ZC3H14: variants seen among roughly 807,000 people sequenced by gnomAD.
ZC3H14 encodes the protein zinc finger CCCH-type containing 14, also known as zinc finger CCCH domain-containing protein 14.
In ZC3H14, 31 loss-of-function variants were observed where a neutral mutation model predicts 92.4. That is an observed-to-expected ratio of 0.34 (90% CI 0.25 to 0.45). The LOEUF (loss-of-function observed/expected upper bound fraction) is 0.45. ZC3H14 is among the 20% of genes least tolerant of loss of function. ZC3H14 has a pLI of 1.00. For synonymous variants in ZC3H14, 321 were observed against 300.9 expected (o/e 1.07, Z -0.69); for missense variants, 781 against 897.3 (o/e 0.87, Z 1.66).
At position 88,601,993 on chromosome 14, in the gene ZC3H14, C is replaced by G. The variant is rs370546299; in HGVS notation, c.1424C>G (p.Ser475Cys). Residue 475 changes from serine to cysteine, a missense_variant, in exon 11 of 17, where the codon TCT becomes TGT. By Grantham distance (112) the Ser-to-Cys change is moderately radical (BLOSUM62 -1). Transcript: ENST00000251038. ...RSFILKKPKLSEEVVVAPNQE... is the reference protein window; with the variant it reads ...RSFILKKPKLCEEVVVAPNQE... ...TTTATTCTGAAGAAGCCAAAGCTGT[C>G]TGAGGAAGTAGTAGTGGCACCAAAC... The G allele has an allele frequency of 1.2e-6, 2 of 1,614,040 alleles. No homozygotes were observed. The highest frequency in any genetic ancestry group is 1.7e-6 in the Non-Finnish European group (2 of 1,180,024).
chr14:88,589,884 C>G (rs1003120872), intron 9 of ZC3H14: 4 of 152,876 alleles, frequency 2.6e-5, no homozygotes, highest in African/African-American at 7.2e-5. Context: ...AATCCCAGCA[C>G]TTTGGGAGGC....
At position 88,627,186 on chromosome 14, in the gene ZC3H14, A is replaced by G. The variant is rs1257092740; in HGVS notation, c.*15435A>G. ...ATGGCCCCTGCTCTACTACCTAGCAATACATGATTTACAATTATTTGTGTA... is the reference window on the plus strand; with the variant it reads ...ATGGCCCCTGCTCTACTACCTAGCAGTACATGATTTACAATTATTTGTGTA... On this transcript the variant is annotated 3_prime_UTR_variant, in exon 17 of 17. Coordinates refer to ENST00000251038, the MANE Select transcript of ZC3H14 (RefSeq NM_024824.5). 5.5e-6 allele frequency: 4 copies of G among 725,294 alleles called. No individual in the cohort carries two copies. The Admixed American group carries it at 7.9e-5, about 14-fold the overall frequency. 44.9% of individuals were successfully genotyped at this position (725,294 alleles called of 1,614,324 possible).
chr14:88,571,166 G>A, intron 4 of ZC3H14, 42 bp downstream of exon 4: 1 of 1,506,898 alleles, frequency 6.6e-7, no homozygotes, highest in Non-Finnish European at 9.0e-7. Flanking sequence ...GCTTGCTATG[G>A]CATATGATTT....
In ZC3H14 at chr14:88,568,081, A is replaced by G; in HGVS notation, c.122A>G (p.Lys41Arg). ...PDYIMVMVAN[K>R]KSQDQMTEDL... Reference sequence around the variant, plus strand: ...TACATTATGGTGATGGTGGCCAACAAGAAAAGTCAGGACCAAATGACAGAG... The same window carrying G: ...TACATTATGGTGATGGTGGCCAACAGGAAAAGTCAGGACCAAATGACAGAG... The change falls in exon 3 of 17, where the codon AAG becomes AGG. Residue 41 changes from lysine (K) to arginine (R), a missense_variant. Transcript: ENST00000251038. 1 of 1,614,202 alleles carries G rather than the reference A, an allele frequency of 6.2e-7. No individual in the cohort carries two copies. The highest frequency in any genetic ancestry group is 8.5e-7 in the Non-Finnish European group (1 of 1,180,008).
chr14:88,590,982 C>T (rs1402007572), intron 9 of ZC3H14: 1 of 144,578 alleles, frequency 6.9e-6, no homozygotes. Context: ...AGATTGTTGA[C>T]ATCTCATCTG....
intron 2 of ZC3H14, among the ~76,000 whole-genome samples, chr14:88,567,447 C>G (rs1241128297): frequency 6.6e-6 from 1 of 150,626 alleles, no homozygotes; most frequent in East Asian, 1.9e-4. Context: ...TATCCTAGAC[C>G]TCACCCTTAT....
At chr14:88,567,034 C>T (rs2079740290) in intron 2 of ZC3H14, among the ~76,000 whole-genome samples, 1 of 151,386 alleles carries the variant, frequency 6.6e-6, no homozygotes, top group Non-Finnish European at 1.5e-5. Context: ...TTTTTTTGTT[C>T]TTTTAAATCC....
rs1316472992 is a variant in ZC3H14 at position 88,600,280 on chromosome 14, A to C, written c.1355-1644A>C. 2.0e-5 allele frequency among the ~76,000 whole-genome samples: 3 copies of C among 152,184 alleles called. No individual in the cohort carries two copies. In the East Asian group the frequency reaches 5.8e-4, roughly 29 times the overall value. Reference sequence around the variant, plus strand: ...GTCTTCTCTTCCTGTCAGGTGTGTGAGACCAGGACAGACAGCAGAGAATCT... The same window carrying C: ...GTCTTCTCTTCCTGTCAGGTGTGTGCGACCAGGACAGACAGCAGAGAATCT... On this transcript the variant is annotated intron_variant, in intron 10 of 16. Transcript: ENST00000251038.
At chr14:88,563,259 G>A in intron 1 of ZC3H14, 90 bp downstream of exon 1, 4 of 1,544,912 alleles carry the variant, frequency 2.6e-6, no homozygotes, top group Non-Finnish European at 3.5e-6. Flanking sequence ...CCGGGTGGAC[G>A]CCGCGGCCTG....
intron 9 of ZC3H14, among the ~76,000 whole-genome samples, chr14:88,582,673 ATGTT>A (rs541593170): frequency 2.0e-5 from 3 of 152,076 alleles, no homozygotes; most frequent in Non-Finnish European, 4.4e-5. Flanking sequence ...ATTAAGCTAT[ATGTT>A]TGTGTGGTTT....
chr14:88,610,727 C>T (rs2086518637), intron 15 of ZC3H14, 107 bp from the exon 16 acceptor site: 7 of 1,109,742 alleles, frequency 6.3e-6, no homozygotes, highest in Non-Finnish European at 9.4e-6. Context: ...CATGCCACTT[C>T]ACTCCAGCCT....
In ZC3H14 at chr14:88,621,340, A is replaced by G. The variant is rs374668618; in HGVS notation, c.*9589A>G. 1.2e-6 allele frequency: 2 copies of G among 1,607,910 alleles called. No individual in the cohort carries two copies. Among genetic ancestry groups the G allele is most frequent in the Non-Finnish European group, 8.5e-7 (1 of 1,175,118 alleles). ...AGGACCAATACAGTGAATGTAATAC[A>G]ACAGCTGCTTTTCTTCTTCATAATA... On this transcript the variant is annotated 3_prime_UTR_variant, in exon 17 of 17. Coordinates refer to ENST00000251038, the MANE Select transcript of ZC3H14 (RefSeq NM_024824.5).
chr14:88,573,659 C>G (rs1288170686), intron 6 of ZC3H14: 1 of 152,060 alleles, frequency 6.6e-6, no homozygotes, highest in Non-Finnish European at 1.5e-5. Flanking sequence ...GAAATCCTGG[C>G]CCTGTGATCC....
At chr14:88,593,168 A>G (rs1402029114) in intron 9 of ZC3H14, among the ~76,000 whole-genome samples, 1 of 151,944 alleles carries the variant, frequency 6.6e-6, no homozygotes, top group Non-Finnish European at 1.5e-5. Context: ...GGATTTCGCC[A>G]CATTGGTCAG....
At chr14:88,567,305 C>T (rs940056525) in intron 2 of ZC3H14, among the ~76,000 whole-genome samples, 1 of 151,476 alleles carries the variant, frequency 6.6e-6, no homozygotes, top group Admixed American at 6.6e-5. Flanking sequence ...TTAGTAGAGA[C>T]AGGGTTTCAC....
chr14:88,577,121 T>C (rs533147860), intron 8 of ZC3H14, among the ~76,000 whole-genome samples: 126 of 152,302 alleles, frequency 8.3e-4, no homozygotes, highest in Non-Finnish European at 1.3e-3. Context: ...CTGATACTTG[T>C]CTGTCCTCTT....
chr14:88,581,863 T>C (rs1460826529), intron 9 of ZC3H14, among the ~76,000 whole-genome samples: 2 of 152,258 alleles, frequency 1.3e-5, no homozygotes, highest in Non-Finnish European at 2.9e-5. Context: ...AGTCACCTTC[T>C]GGAAGGTAGT....
rs980351883 is a variant in ZC3H14, at chr14:88,612,524, T to C, written c.*773T>C. Reference sequence around the variant, plus strand: ...AAAATTATACAAATTTTTTTACAAGTATTTACATACTGTATCTGAAAACAG... The same window carrying C: ...AAAATTATACAAATTTTTTTACAAGCATTTACATACTGTATCTGAAAACAG... On this transcript the variant is annotated 3_prime_UTR_variant, in exon 17 of 17. Transcript: ENST00000251038. 6.6e-6 allele frequency: 1 copy of C among 152,500 alleles called. No individual in the cohort carries two copies. Among genetic ancestry groups the C allele is most frequent in the African/African-American group, 2.4e-5 (1 of 41,450 alleles). The allele number at this position is 152,500 out of a possible 1,614,324, so 9.4% of individuals were successfully genotyped here.
intron 10 of ZC3H14, among the ~76,000 whole-genome samples, chr14:88,598,077 T>C (rs1351559508): frequency 6.6e-6 from 1 of 152,222 alleles, no homozygotes; most frequent in East Asian, 1.9e-4. Flanking sequence ...CCCTGCTTCG[T>C]CTTGTTTTCT....
Sources: allele counts gnomAD v4.1 joint callset (sites outside exome capture counted in the v4.1 genomes callset), GRCh38; gene constraint gnomAD v4.1.1; transcripts MANE v1.5; gene names NCBI Gene and HGNC (gene_info 2026-07-23, HGNC 2026-07-21).